Variants in PRDM2 observed in about 807,000 individuals in gnomAD.
The protein encoded by PRDM2 is PR/SET domain 2, also known as PR domain zinc finger protein 2.
A neutral mutation model predicts 130.0 loss-of-function variants in PRDM2; 30 were observed. The ratio of observed to expected loss-of-function variants is 0.23; its 90% CI spans 0.17 to 0.31. The LOEUF is 0.31. PRDM2 is among the 10% of genes least tolerant of loss of function. The pLI is 1.00. For synonymous variants in PRDM2, 871 were observed against 782.4 expected (o/e 1.11, Z -1.89); for missense variants, 2,011 against 2,108.4 (o/e 0.95, Z 0.90).
rs556843220 is a variant in PRDM2 at position 13,778,629 on chromosome 1, A to G, written c.834A>G (p.Glu278=). 32 of 1,602,192 alleles carry G rather than the reference A, an allele frequency of 2.0e-5. No individual in the cohort carries two copies. Among genetic ancestry groups the G allele is most frequent in the Non-Finnish European group, 2.7e-5 (32 of 1,169,820 alleles). ...AGGAGGAGGAAGAGGAGGAGGATGA[A>G]GAAGAAGAAGAAGATGATGATGATG... ...EEEEEEEEED[E]EEEEDDDDDE... The change falls in exon 8 of 10, where the codon GAA becomes GAG. Residue 278 remains glutamate (E), a synonymous_variant. Transcript: ENST00000311066.
At chr1:13,809,713 C>T (rs1014605137) in intron 8 of PRDM2, among the ~76,000 whole-genome samples, 2 of 152,196 alleles carry the variant, frequency 1.3e-5, no homozygotes, top group African/African-American at 4.8e-5. Flanking sequence ...GGGAGGGAGT[C>T]ACCTGCAGAG....
Position 13,751,600 on chromosome 1 carries a change from TC to T in PRDM2, c.511+2114del, listed in dbSNP as rs371588364. On this transcript the variant is annotated intron_variant, in intron 6 of 9. Transcript: ENST00000311066. ...CCTCAAACATTTAAATAATATCTTT[TC>T]AGGCAGTGATGTCAGAGAGTGAATC... Among the ~76,000 whole-genome samples the T allele has an allele frequency of 4.4e-3, 669 of 152,220 alleles. 7 individuals carry two copies. The highest frequency in any genetic ancestry group is 0.016 in the African/African-American group (645 of 41,524).
Position 13,806,908 on chromosome 1 carries a change from C to T in PRDM2, c.5037-9519C>T, listed in dbSNP as rs1645093825. ...CCTTTGCACTTCCTGTCCCCACTTCCTGGAACGCACAAGGCGTAGTATCCG... is the reference window on the plus strand; with the variant it reads ...CCTTTGCACTTCCTGTCCCCACTTCTTGGAACGCACAAGGCGTAGTATCCG... On this transcript the variant is annotated intron_variant, in intron 8 of 9. Coordinates refer to ENST00000311066, the MANE Select transcript of PRDM2 (RefSeq NM_001393986.1). The surrounding 1 kb of genome is among the most constrained non-coding windows in gnomAD (Gnocchi z 4.1). Among the ~76,000 whole-genome samples the T allele has an allele frequency of 1.3e-5, 2 of 152,160 alleles. No homozygotes were observed. The highest frequency in any genetic ancestry group is 2.9e-5 in the Non-Finnish European group (2 of 68,032).
In PRDM2 at chr1:13,770,878, A is replaced by T. The variant is rs542324509; in HGVS notation, c.512-2200A>T. 5.9e-5 allele frequency among the ~76,000 whole-genome samples: 9 copies of T among 152,342 alleles called. No individual in the cohort carries two copies. The East Asian group carries it at 1.5e-3, about 26-fold the overall frequency. The stretch of plus-strand genomic sequence containing the variant: ...TAAAAGAAGCCGTGAATTTCCTCAC[A>T]CATCAGTTGCAGCACAGAGAAGTTA... On this transcript the variant is annotated intron_variant, in intron 6 of 9. Coordinates refer to ENST00000311066, the MANE Select transcript of PRDM2 (RefSeq NM_001393986.1).
chr1:13,712,815 G>A (rs543340338), intron 1 of PRDM2, among the ~76,000 whole-genome samples: 17 of 152,220 alleles, frequency 1.1e-4, no homozygotes, highest in Middle Eastern at 3.4e-3. Flanking sequence ...CCGTCTGTCC[G>A]TCCAGGATCC....
rs1468280783 is a variant in PRDM2 at position 13,700,226 on chromosome 1, G to A, written c.-140G>A. On this transcript the variant is annotated 5_prime_UTR_variant, in exon 1 of 10. Transcript: ENST00000311066. ...GTCAAGATGGCGGCGGCGCGGCCGC[G>A]GGCGCCGGGGCCGGCGAAACAGCGG... 6.6e-6 allele frequency: 1 copy of A among 152,466 alleles called. No individual in the cohort carries two copies. The highest frequency in any genetic ancestry group is 2.4e-5 in the African/African-American group (1 of 41,252). 9.4% of individuals were successfully genotyped at this position (152,466 alleles called of 1,614,324 possible).
At chr1:13,787,724 T>C in intron 8 of PRDM2, 1 of 985,036 alleles carries the variant, frequency 1.0e-6, no homozygotes, top group Non-Finnish European at 1.2e-6. Context: ...TTGTTGGCGT[T>C]GTTAACCCGG....
chr1:13,816,968 A>AT lies in PRDM2; in HGVS notation c.*23+399dup, dbSNP rs368864439. Among the ~76,000 whole-genome samples the AT allele has an allele frequency of 1.9e-3, 291 of 152,376 alleles. 2 individuals are homozygous for AT. The highest frequency in any genetic ancestry group is 6.8e-3 in the African/African-American group (281 of 41,592). Reference sequence around the variant, plus strand: ...GTAAGTCATTATTGGAGTAATAATGATAAAAATAGTAATTATACTCAGTTC... The same window carrying AT: ...GTAAGTCATTATTGGAGTAATAATGATTAAAAATAGTAATTATACTCAGTTC... On this transcript the variant is annotated intron_variant, in intron 9 of 9. Coordinates refer to ENST00000311066, the MANE Select transcript of PRDM2 (RefSeq NM_001393986.1).
At chr1:13,763,105 AAG>A (rs1418097103) in intron 6 of PRDM2, among the ~76,000 whole-genome samples, 1 of 152,210 alleles carries the variant, frequency 6.6e-6, no homozygotes, top group Non-Finnish European at 1.5e-5. Flanking sequence ...TTGCATTTTT[AAG>A]AGAAGCAAAA....
In PRDM2 at chr1:13,731,026, C is replaced by T. The variant is rs751957382; in HGVS notation, c.36C>T (p.Thr12=). ...NQNTTEPVAA[T]ETLAEVPEHV... ...ACACTACTGAGCCTGTGGCGGCCAC[C>T]GAGACCCTGGCTGAGGTACCCGAAC... Residue 12 remains threonine, a synonymous_variant, in exon 3 of 10, where the codon ACC becomes ACT. Transcript: ENST00000311066. 1.7e-5 allele frequency: 28 copies of T among 1,611,830 alleles called. No individual in the cohort carries two copies. Among genetic ancestry groups the T allele is most frequent in the African/African-American group, 1.2e-4 (9 of 74,756 alleles).
intron 2 of PRDM2, chr1:13,722,973 C>T (rs1383272573): frequency 2.2e-5 from 9 of 402,388 alleles, no homozygotes; most frequent in Non-Finnish European, 4.0e-5. Flanking sequence ...CCTCTTGTGT[C>T]ATCCCACCGC....
At chr1:13,718,427 A>G (rs768451886) in intron 2 of PRDM2, among the ~76,000 whole-genome samples, 1 of 152,206 alleles carries the variant, frequency 6.6e-6, no homozygotes, top group African/African-American at 2.4e-5. Context: ...AAGAAGCAGT[A>G]GAGTCCACAG....
At chr1:13,799,624 C>G (rs1217367627) in intron 8 of PRDM2, among the ~76,000 whole-genome samples, 1 of 152,194 alleles carries the variant, frequency 6.6e-6, no homozygotes, top group Non-Finnish European at 1.5e-5. Flanking sequence ...TCTTCATTGC[C>G]TCTGGAAATC....
chr1:13,783,642 G>A (rs931915754), intron 8 of PRDM2, among the ~76,000 whole-genome samples: 13 of 152,198 alleles, frequency 8.5e-5, no homozygotes, highest in African/African-American at 2.7e-4. Flanking sequence ...TGTTCTCAGT[G>A]ACAGATGAAG....
intron 6 of PRDM2, among the ~76,000 whole-genome samples, chr1:13,761,695 A>G (rs547185170): frequency 2.6e-4 from 39 of 152,240 alleles, no homozygotes; most frequent in South Asian, 1.7e-3. Flanking sequence ...TCCTCTCCGA[A>G]AGATTAAGAA....
chr1:13,743,837 A>G (rs147798870), intron 5 of PRDM2, among the ~76,000 whole-genome samples: 15 of 152,272 alleles, frequency 9.9e-5, no homozygotes, highest in African/African-American at 2.6e-4. Flanking sequence ...ACACTTTCTT[A>G]TTTAGGACTT....
At chr1:13,755,666 C>T (rs1005965403) in intron 6 of PRDM2, among the ~76,000 whole-genome samples, 4 of 151,376 alleles carry the variant, frequency 2.6e-5, no homozygotes, top group Admixed American at 2.6e-4. Flanking sequence ...TAAACTCGTT[C>T]AGTGTTTTTT....
intron 4 of PRDM2, among the ~76,000 whole-genome samples, chr1:13,734,555 T>G (rs1158406882): frequency 6.6e-6 from 1 of 152,230 alleles, no homozygotes; most frequent in African/African-American, 2.4e-5. Flanking sequence ...TAAGCTTCAT[T>G]TGCATTGAGA....
chr1:13,789,592 G>A (rs981811857), intron 8 of PRDM2, among the ~76,000 whole-genome samples: 3 of 152,062 alleles, frequency 2.0e-5, no homozygotes, highest in African/African-American at 7.3e-5. Context: ...GATGACTGCC[G>A]GCTTTTAATA....
Sources: gnomAD v4.1 joint callset for allele counts (sites outside exome capture counted in the v4.1 genomes callset) on GRCh38, gnomAD v4.1.1 for gene constraint, Gnocchi (gnomAD v3.1) non-coding constraint, MANE v1.5 for transcripts, NCBI Gene and HGNC (gene_info 2026-07-23, HGNC 2026-07-21) for gene names.